The following TENM3 variants were observed in gnomAD, a reference collection of about 807,000 sequenced individuals.
The protein encoded by TENM3 is teneurin transmembrane protein 3.
In TENM3, 63 loss-of-function variants were observed where a neutral mutation model predicts 255.1. The observed-to-expected ratio is 0.25, with a 90% CI of 0.20 to 0.30. The LOEUF (loss-of-function observed/expected upper bound fraction) is 0.30. Ranked by LOEUF, TENM3 falls within the 10% of genes least tolerant of loss-of-function variation. The pLI, the probability that TENM3 is intolerant of heterozygous loss-of-function variation, is 1.00. For synonymous variants in TENM3, 1,306 were observed against 1,322.3 expected, an observed-to-expected ratio of 0.99 and a Z score of 0.27; for missense variants, 2,929 against 3,461.1, an observed-to-expected ratio of 0.85 and a Z score of 3.86.
chr4:182,182,235 C>T (rs920924536), intron 1 of TENM3, among the ~76,000 whole-genome samples: 1 of 152,084 alleles, frequency 6.6e-6, no homozygotes, highest in Admixed American at 6.6e-5. Context: ...TTTCAAGAAT[C>T]TCTTCTATTA....
the TENM3 span, among the ~76,000 whole-genome samples, chr4:181,901,920 C>A: frequency 6.6e-6 from 1 of 151,974 alleles, no homozygotes; most frequent in South Asian, 2.1e-4. Context: ...TTAGCAAGTT[C>A]TTTTTCCCCT....
Position 182,429,920 on chromosome 4 carries a change from T to G in TENM3, c.511+82991T>G, listed in dbSNP as rs551002883. 2.0e-5 allele frequency among the ~76,000 whole-genome samples: 3 copies of G among 152,328 alleles called. No homozygotes were observed. In the South Asian group the frequency reaches 6.2e-4, roughly 32 times the overall value. Reference sequence around the variant, plus strand: ...AAACAATCCAATGACATGCGTATATTACTCCTATTTTACAGACATATTTGA... The same window carrying G: ...AAACAATCCAATGACATGCGTATATGACTCCTATTTTACAGACATATTTGA... On this transcript the variant is annotated intron_variant, in intron 3 of 27. Transcript: ENST00000511685.
intron 3 of TENM3, among the ~76,000 whole-genome samples, chr4:182,416,165 A>G (rs950878499): frequency 1.3e-5 from 2 of 152,178 alleles, no homozygotes; most frequent in Admixed American, 6.5e-5. Context: ...AAGTTGCTTT[A>G]TTCTCATTGA....
At chr4:182,016,482 C>G in the TENM3 span, among the ~76,000 whole-genome samples, 1 of 152,186 alleles carries the variant, frequency 6.6e-6, no homozygotes. Context: ...ATGTCTCCTG[C>G]TTAGGGTCCT....
chr4:181,491,043 C>G, the TENM3 span, among the ~76,000 whole-genome samples: 1,360 of 151,898 alleles, frequency 9.0e-3, 17 homozygotes, highest in South Asian at 0.033. Flanking sequence ...AATTTTGACT[C>G]TGTTTGTAAG....
At chr4:182,161,941 A>G (rs1176105328) in intron 1 of TENM3, among the ~76,000 whole-genome samples, 3 of 65,634 alleles carry the variant, frequency 4.6e-5, no homozygotes, top group African/African-American at 2.1e-4. Context: ...ACACATATAT[A>G]TATTTGTGTG....
chr4:181,539,690 T>C, the TENM3 span, among the ~76,000 whole-genome samples: 6 of 152,370 alleles, frequency 3.9e-5, no homozygotes, highest in Non-Finnish European at 8.8e-5. Context: ...TTAATGCAGA[T>C]GGACATTAAA....
the TENM3 span, among the ~76,000 whole-genome samples, chr4:181,986,141 C>T: frequency 6.6e-6 from 1 of 152,110 alleles, no homozygotes; most frequent in Non-Finnish European, 1.5e-5. Flanking sequence ...CACATCTTCC[C>T]TTTCACCTAA....
At chr4:182,674,605 T>A (rs1755505952) in intron 7 of TENM3, among the ~76,000 whole-genome samples, 1 of 152,224 alleles carries the variant, frequency 6.6e-6, no homozygotes. Flanking sequence ...AGACAGGGTC[T>A]CACTCCGTCT....
At chr4:181,599,213 A>C in the TENM3 span, among the ~76,000 whole-genome samples, 1 of 152,190 alleles carries the variant, frequency 6.6e-6, no homozygotes, top group South Asian at 2.1e-4. Context: ...TTATTCAAGG[A>C]CCTCATTATC....
chr4:181,946,740 G>A, the TENM3 span, among the ~76,000 whole-genome samples: 3 of 152,024 alleles, frequency 2.0e-5, no homozygotes, highest in African/African-American at 7.2e-5. Flanking sequence ...TATTCTAAAT[G>A]AATCATATTT....
intron 3 of TENM3, among the ~76,000 whole-genome samples, chr4:182,361,572 A>C (rs1765985692): frequency 6.6e-6 from 1 of 151,880 alleles, no homozygotes; most frequent in South Asian, 2.1e-4. Flanking sequence ...CAGCTCCATC[A>C]GCTCCTTTAA....
chr4:182,002,569 G>A, the TENM3 span, among the ~76,000 whole-genome samples: 14 of 152,024 alleles, frequency 9.2e-5, no homozygotes, highest in South Asian at 2.1e-4. Flanking sequence ...TCCTGCTTCC[G>A]TCCAATAAGA....
the TENM3 span, among the ~76,000 whole-genome samples, chr4:181,744,229 G>C: frequency 6.6e-6 from 1 of 152,174 alleles, no homozygotes; most frequent in East Asian, 1.9e-4. Flanking sequence ...CATTAGTGAT[G>C]GGCATTTAGG....
At chr4:182,317,390 C>T (rs1762809423) in intron 1 of TENM3, among the ~76,000 whole-genome samples, 1 of 152,136 alleles carries the variant, frequency 6.6e-6, no homozygotes, top group Admixed American at 6.5e-5. Flanking sequence ...GCCTCCACAT[C>T]CTAGCCTCAA....
intron 3 of TENM3, among the ~76,000 whole-genome samples, chr4:182,541,485 T>A (rs1740873254): frequency 6.6e-6 from 1 of 152,214 alleles, no homozygotes; most frequent in African/African-American, 2.4e-5. Context: ...GGTGCAAACA[T>A]TTTCAATCAT....
chr4:182,326,284 A>C (rs975367530), intron 2 of TENM3, among the ~76,000 whole-genome samples: 1 of 152,164 alleles, frequency 6.6e-6, no homozygotes, highest in Non-Finnish European at 1.5e-5. Flanking sequence ...TGCGCTAGGC[A>C]GGTGTGTGAG....
At chr4:182,633,570 G>A (rs1355649614) in intron 5 of TENM3, among the ~76,000 whole-genome samples, 1 of 152,226 alleles carries the variant, frequency 6.6e-6, no homozygotes, top group East Asian at 1.9e-4. Context: ...ACCTTGAGAT[G>A]AGGTCATCTG....
chr4:181,609,281 A>G, the TENM3 span, among the ~76,000 whole-genome samples: 1 of 152,146 alleles, frequency 6.6e-6, no homozygotes, highest in Non-Finnish European at 1.5e-5. Flanking sequence ...TTTTTTCCAT[A>G]AAGTTGGATA....
Sources: allele counts gnomAD v4.1 joint callset (sites outside exome capture counted in the v4.1 genomes callset), GRCh38; gene constraint gnomAD v4.1.1; transcripts MANE v1.5; gene names NCBI Gene and HGNC (gene_info 2026-07-23, HGNC 2026-07-21).